Variants in TPRG1 observed in about 807,000 individuals in gnomAD.
TPRG1 encodes the protein tumor protein p63 regulated 1.
In TPRG1, 29 loss-of-function variants were observed where a neutral mutation model predicts 29.3. That is an observed-to-expected ratio of 0.99 (90% CI 0.74 to 1.35). TPRG1 has a LOEUF of 1.35. TPRG1 is among the 40% of genes most tolerant of loss of function. TPRG1 has a pLI of 0.00. For missense variants in TPRG1, 327 were observed against 335.0 expected (o/e 0.98, Z 0.19); for synonymous variants, 130 against 116.8 (o/e 1.11, Z -0.73).
At chr3:189,082,443 G>T (rs1396765806) in intron 4 of TPRG1, among the ~76,000 whole-genome samples, 1 of 151,654 alleles carries the variant, frequency 6.6e-6, no homozygotes, top group Admixed American at 6.6e-5. Flanking sequence ...TAAAAGAATG[G>T]TTAGGCATCT....
chr3:189,231,402 A>G (rs1738632522), intron 3 of TPRG1, among the ~76,000 whole-genome samples: 1 of 152,072 alleles, frequency 6.6e-6, no homozygotes, highest in Non-Finnish European at 1.5e-5. Flanking sequence ...CTCTTTAAGT[A>G]GATTTACTTC....
chr3:189,137,296 A>ATATGTG (rs1723869193), intron 3 of TPRG1, among the ~76,000 whole-genome samples: 1 of 129,844 alleles, frequency 7.7e-6, no homozygotes, highest in Non-Finnish European at 1.7e-5. Flanking sequence ...AAACCCCAAA[A>ATATGTG]TGTGTGTGTG....
chr3:189,037,789 C>A (rs540281348), intron 4 of TPRG1, among the ~76,000 whole-genome samples: 29 of 151,464 alleles, frequency 1.9e-4, no homozygotes, highest in African/African-American at 7.0e-4. Flanking sequence ...ATATTTTCTA[C>A]CAGTAGTAAA....
intron 1 of TPRG1, among the ~76,000 whole-genome samples, chr3:189,203,544 G>A (rs906193764): frequency 1.1e-4 from 16 of 152,036 alleles, no homozygotes; most frequent in South Asian, 2.1e-4. Flanking sequence ...TGTTAATCTC[G>A]TGCTACTGCA....
chr3:189,131,634 G>A (rs1485025245), intron 2 of TPRG1, among the ~76,000 whole-genome samples: 1 of 152,180 alleles, frequency 6.6e-6, no homozygotes, highest in East Asian at 1.9e-4. Flanking sequence ...AAGCCAAAAT[G>A]CAGATACACA....
At chr3:189,189,801 A>G (rs1167797461) in intron 1 of TPRG1, among the ~76,000 whole-genome samples, 1 of 152,248 alleles carries the variant, frequency 6.6e-6, no homozygotes, top group Non-Finnish European at 1.5e-5. Context: ...GCTACTCTCT[A>G]TAGCATTTTC....
intron 1 of TPRG1, chr3:189,121,334 G>C (rs1233362145): frequency 6.6e-6 from 1 of 152,176 alleles, no homozygotes; most frequent in East Asian, 1.9e-4. Flanking sequence ...GTTAGGTTAG[G>C]ACTGAGTTTT....
chr3:189,117,973 G>GT (rs951716318), intron 1 of TPRG1, among the ~76,000 whole-genome samples: 1 of 152,228 alleles, frequency 6.6e-6, no homozygotes, highest in African/African-American at 2.4e-5. Flanking sequence ...TTGGAAGTGG[G>GT]TAACAGGCAG....
chr3:189,188,216 A>T lies in TPRG1; in HGVS notation c.-10+16085A>T, dbSNP rs115590618. On this transcript the variant is annotated intron_variant, in intron 1 of 5. Coordinates refer to ENST00000345063, the MANE Select transcript of TPRG1 (RefSeq NM_198485.4). The stretch of plus-strand genomic sequence containing the variant: ...ACACTGACATCAGAAAATTCATTCG[A>T]GAGTTAACAGACGTGAGTACCTTTA... 5.7e-3 allele frequency among the ~76,000 whole-genome samples: 866 copies of T among 152,334 alleles called. 9 individuals carry two copies. Among genetic ancestry groups the T allele is most frequent in the African/African-American group, 0.018 (760 of 41,574 alleles).
chr3:189,118,433 T>C (rs1721431630), intron 1 of TPRG1, among the ~76,000 whole-genome samples: 1 of 152,198 alleles, frequency 6.6e-6, no homozygotes, highest in South Asian at 2.1e-4. Context: ...GCAAGCCACC[T>C]GCAGAAAGTT....
At chr3:189,312,497 A>G (rs1246602265) in intron 5 of TPRG1, among the ~76,000 whole-genome samples, 1 of 152,194 alleles carries the variant, frequency 6.6e-6, no homozygotes, top group East Asian at 1.9e-4. Context: ...AAATCAAAAT[A>G]AATACTAACT....
chr3:189,304,566 G>T (rs1721335884), intron 4 of TPRG1, among the ~76,000 whole-genome samples: 1 of 152,146 alleles, frequency 6.6e-6, no homozygotes, highest in Non-Finnish European at 1.5e-5. Flanking sequence ...CGATGGGTTT[G>T]GAACAGCCTG....
chr3:189,056,632 T>C (rs944416508), intron 4 of TPRG1, among the ~76,000 whole-genome samples: 2 of 152,176 alleles, frequency 1.3e-5, no homozygotes, highest in African/African-American at 4.8e-5. Context: ...ACAAGTTCCT[T>C]GAGGTCAAGA....
chr3:189,092,816 T>G lies in TPRG1; in HGVS notation c.-462-34241T>G, dbSNP rs146592331. 2.5e-3 allele frequency among the ~76,000 whole-genome samples: 379 copies of G among 152,268 alleles called. 2 individuals carry two copies. The highest frequency in any genetic ancestry group is 8.1e-3 in the African/African-American group (337 of 41,550). On this transcript the variant is annotated intron_variant, in intron 4 of 10. Coordinates refer to the TPRG1 transcript ENST00000433971. ...ATCAAAATAACCAAATTAACATTTT[T>G]GAGTGCCTACTGCATGCAAGGCCCT...
intron 5 of TPRG1, 81 bp downstream of exon 5, chr3:189,310,620 A>G: frequency 3.1e-6 from 2 of 635,726 alleles, no homozygotes; most frequent in Non-Finnish European, 4.6e-6. Flanking sequence ...ACTCCTAAAC[A>G]AAACAAAATA....
At chr3:189,262,056 A>G (rs1464289504) in intron 4 of TPRG1, among the ~76,000 whole-genome samples, 2 of 152,132 alleles carry the variant, frequency 1.3e-5, no homozygotes, top group African/African-American at 4.8e-5. Context: ...AAGAATGGTG[A>G]CAATATAAGA....
intron 5 of TPRG1, among the ~76,000 whole-genome samples, chr3:189,311,832 CAACAA>C (rs202054063): frequency 0.012 from 1,765 of 151,986 alleles, 14 homozygotes; most frequent in Non-Finnish European, 0.019. Context: ...CACTGAAAGC[CAACAA>C]AACAAAACAA....
chr3:189,212,144 G>T (rs1735366036), intron 2 of TPRG1: 1 of 152,102 alleles, frequency 6.6e-6, no homozygotes, highest in South Asian at 2.1e-4. Context: ...AGTTGAAAGC[G>T]ATTTGGGATG....
Position 189,320,848 on chromosome 3 carries a change from AT to A in TPRG1, c.*29del. 6.7e-7 allele frequency: 1 copy of A among 1,482,162 alleles called. No individual in the cohort carries two copies. The highest frequency in any genetic ancestry group is 9.0e-7 in the Non-Finnish European group (1 of 1,107,688). The allele number at this position is 1,482,162 out of a possible 1,614,324, so 91.8% of individuals were successfully genotyped here. A position where few individuals can be genotyped will look rare whatever the true frequency, so the allele number is the denominator to read the frequency against. On this transcript the variant is annotated 3_prime_UTR_variant, in exon 6 of 6. Coordinates refer to ENST00000345063, the MANE Select transcript of TPRG1 (RefSeq NM_198485.4). ...GTCTTTTTGGTACCATAAGCATATC[AT>A]CCACAGATATGTCACTTTGAAAATT... is the stretch of plus-strand genomic sequence containing the variant.
Sources: gnomAD v4.1 joint callset for allele counts (sites outside exome capture counted in the v4.1 genomes callset) on GRCh38, gnomAD v4.1.1 for gene constraint, MANE v1.5 for transcripts, NCBI Gene and HGNC (gene_info 2026-07-23, HGNC 2026-07-21) for gene names.